Variants in ADGRG6 observed in about 807,000 individuals in gnomAD.
The protein encoded by ADGRG6 is G-protein coupled receptor 126.
In ADGRG6, 84 loss-of-function variants were observed where a neutral mutation model predicts 142.4. That is an observed-to-expected ratio of 0.59 (90% CI 0.49 to 0.71). The LOEUF is 0.71. Ranked by LOEUF, ADGRG6 falls within the 30% of genes least tolerant of loss-of-function variation. The pLI, the probability that ADGRG6 is intolerant of heterozygous loss-of-function variation, is 0.00. For missense variants in ADGRG6, 1,367 were observed against 1,466.6 expected (o/e 0.93, Z 1.11); for synonymous variants, 521 against 520.5 (o/e 1.00, Z -0.01).
rs115442685 is a variant in ADGRG6, at chr6:142,433,408, T to C, written c.3320-4026T>C. 3.8e-3 allele frequency among the ~76,000 whole-genome samples: 580 copies of C among 152,296 alleles called. 6 individuals carry two copies. Among genetic ancestry groups the C allele is most frequent in the African/African-American group, 0.014 (562 of 41,588 alleles). On this transcript the variant is annotated intron_variant, in intron 22 of 24. Coordinates refer to ENST00000367609, the MANE Select transcript of ADGRG6 (RefSeq NM_198569.3). ...GTATTTGCTTATTGAAAGGATTGAC[T>C]GTATTGGCAACCTGATTAGGGAATG...
At chr6:142,406,734 A>G (rs1775824205) in intron 15 of ADGRG6, among the ~76,000 whole-genome samples, 1 of 152,242 alleles carries the variant, frequency 6.6e-6, no homozygotes, top group Non-Finnish European at 1.5e-5. Context: ...TGCAATTTAT[A>G]TATTTTGTAT....
At chr6:142,390,473 A>G in intron 7 of ADGRG6, 130 bp downstream of exon 7, 1 of 487,502 alleles carries the variant, frequency 2.1e-6, no homozygotes, top group South Asian at 3.0e-5. Flanking sequence ...ATATGAGTAG[A>G]TATGTAAGTG....
chr6:142,404,145 G>C, intron 14 of ADGRG6, 172 bp downstream of exon 14: 1 of 602,500 alleles, frequency 1.7e-6, no homozygotes, highest in Non-Finnish European at 2.9e-6. Context: ...GGAGCTCAGA[G>C]TGGGTATGCT....
chr6:142,304,972 TA>T (rs1045003027), intron 1 of ADGRG6, among the ~76,000 whole-genome samples: 9 of 151,848 alleles, frequency 5.9e-5, no homozygotes, highest in East Asian at 1.9e-4. Flanking sequence ...TGGAATGCCT[TA>T]AAAAAAAGCT....
chr6:142,392,909 G>A, intron 7 of ADGRG6, 39 bp from the exon 8 acceptor site: 2 of 1,382,410 alleles, frequency 1.4e-6, no homozygotes, highest in Non-Finnish European at 2.1e-6. Context: ...TTTTTTAAAG[G>A]TATTAGCAAA....
At chr6:142,438,060 C>G (rs1029647518) in intron 23 of ADGRG6, 152 bp from the exon 24 acceptor site, 19 of 533,200 alleles carry the variant, frequency 3.6e-5, no homozygotes, top group African/African-American at 3.3e-4. Context: ...TCAATATCCT[C>G]TTATTGTTTA....
Position 142,443,323 on chromosome 6 carries a change from A to G in ADGRG6, c.3575-14A>G. 1 of 1,599,166 alleles carries G rather than the reference A, an allele frequency of 6.3e-7. No individual in the cohort carries two copies. Among genetic ancestry groups the G allele is most frequent in the Non-Finnish European group, 8.5e-7 (1 of 1,170,676 alleles). ...GCTCATCTTGAACCTAATTTCTTGT[A>G]TCATTTCTTGCAGACAGTGCTTCCA... On this transcript the variant is annotated splice_polypyrimidine_tract_variant and intron_variant, in intron 24 of 24. Coordinates refer to ENST00000367609, the MANE Select transcript of ADGRG6 (RefSeq NM_198569.3).
rs559812404 is a variant in ADGRG6, at chr6:142,411,910, G to A, written c.2541+499G>A. On this transcript the variant is annotated intron_variant, in intron 18 of 24. Coordinates refer to ENST00000367609, the MANE Select transcript of ADGRG6 (RefSeq NM_198569.3). ...AGTGATCTCCCTCCTAGAGATTGCA[G>A]TTTGTTAGGACAGACTAGTGACTAG... 9.2e-5 allele frequency among the ~76,000 whole-genome samples: 14 copies of A among 152,288 alleles called. No homozygotes were observed. In the South Asian group the frequency reaches 2.5e-3, roughly 27 times the overall value.
intron 4 of ADGRG6, among the ~76,000 whole-genome samples, chr6:142,379,601 A>T (rs1781660882): frequency 6.6e-6 from 1 of 152,104 alleles, no homozygotes; most frequent in Non-Finnish European, 1.5e-5. Context: ...CCCTGTCTCT[A>T]CTAAAAATAC....
intron 9 of ADGRG6, among the ~76,000 whole-genome samples, chr6:142,395,346 T>C (rs1235131944): frequency 1.3e-5 from 2 of 152,208 alleles, no homozygotes; most frequent in East Asian, 1.9e-4. Flanking sequence ...TCTTCAGTAA[T>C]GGATCCAGCA....
Position 142,437,546 on chromosome 6 carries a change from G to T in ADGRG6, c.3421+11G>T. ...TAGCAGATAACTCAGGTAAAGAGTTGTTGATTAAATTTTACATCTACAAGT... is the reference window on the plus strand; with the variant it reads ...TAGCAGATAACTCAGGTAAAGAGTTTTTGATTAAATTTTACATCTACAAGT... On this transcript the variant is annotated intron_variant, in intron 23 of 24. Coordinates refer to ENST00000367609, the MANE Select transcript of ADGRG6 (RefSeq NM_198569.3). 1 of 1,253,766 alleles carries T rather than the reference G, an allele frequency of 8.0e-7. No homozygotes were observed. The highest frequency in any genetic ancestry group is 2.3e-5 in the East Asian group (1 of 43,206). The allele number at this position is 1,253,766 out of a possible 1,614,324, so 77.7% of individuals were successfully genotyped here. A position where few individuals can be genotyped will look rare whatever the true frequency, so the allele number is the denominator to read the frequency against.
chr6:142,388,752 C>T (rs981489247), intron 6 of ADGRG6, among the ~76,000 whole-genome samples: 3 of 152,036 alleles, frequency 2.0e-5, no homozygotes, highest in Admixed American at 6.6e-5. Context: ...ACAGTTTCCA[C>T]CGAATGCCTG....
At chr6:142,380,621 G>T (rs75242895) in intron 4 of ADGRG6, among the ~76,000 whole-genome samples, 2,546 of 152,222 alleles carry the variant, frequency 0.017, 76 homozygotes, top group African/African-American at 0.057. Flanking sequence ...TAGAAATTCT[G>T]TCTGCCAGTA....
At chr6:142,377,709 A>C (rs1037569815) in intron 4 of ADGRG6, among the ~76,000 whole-genome samples, 1 of 152,176 alleles carries the variant, frequency 6.6e-6, no homozygotes, top group African/African-American at 2.4e-5. Context: ...CAACCTCCTG[A>C]TGTGTAAATC....
At chr6:142,400,647 C>T in intron 11 of ADGRG6, 51 bp downstream of exon 11, 1 of 921,692 alleles carries the variant, frequency 1.1e-6, no homozygotes. Context: ...ATCAGCCTTC[C>T]CAGGGTTATA....
At chr6:142,395,883 G>A (rs1472487735) in intron 9 of ADGRG6, among the ~76,000 whole-genome samples, 2 of 151,998 alleles carry the variant, frequency 1.3e-5, no homozygotes, top group East Asian at 3.9e-4. Flanking sequence ...ACAGACCATA[G>A]CTTCAGATAA....
chr6:142,368,804 TA>T (rs1226214255), intron 3 of ADGRG6, among the ~76,000 whole-genome samples: 1 of 152,122 alleles, frequency 6.6e-6, no homozygotes, highest in African/African-American at 2.4e-5. Flanking sequence ...AATAATGTTT[TA>T]AAAATGATAA....
intron 2 of ADGRG6, among the ~76,000 whole-genome samples, chr6:142,345,407 T>A (rs2114743259): frequency 6.6e-6 from 1 of 152,196 alleles, no homozygotes; most frequent in African/African-American, 2.4e-5. Context: ...TAACCCAAAG[T>A]TTGTAAATAT....
intron 1 of ADGRG6, among the ~76,000 whole-genome samples, chr6:142,307,398 A>G (rs186051766): frequency 1.3e-5 from 2 of 152,104 alleles, no homozygotes; most frequent in Admixed American, 6.6e-5. Flanking sequence ...TCCTAGCTCT[A>G]AATTTCTTTG....
Sources: allele counts gnomAD v4.1 joint callset (sites outside exome capture counted in the v4.1 genomes callset), GRCh38; gene constraint gnomAD v4.1.1; transcripts MANE v1.5; gene names NCBI Gene and HGNC (gene_info 2026-07-23, HGNC 2026-07-21).